Variants in TAFA2 observed in about 807,000 individuals in gnomAD.
TAFA2 encodes chemokine-like protein TAFA-2.
In TAFA2, 7 loss-of-function variants were observed where a neutral mutation model predicts 18.8. The observed-to-expected ratio is 0.37, with a 90% CI of 0.21 to 0.70. The LOEUF is 0.70. Ranked by LOEUF, TAFA2 falls within the 30% of genes least tolerant of loss-of-function variation. The pLI is 0.53. For synonymous variants in TAFA2, 60 were observed against 54.2 expected, an observed-to-expected ratio of 1.11 and a Z score of -0.47; for missense variants, 122 against 158.1, an observed-to-expected ratio of 0.77 and a Z score of 1.23.
At chr12:61,909,005 G>A (rs571882121) in intron 1 of TAFA2, among the ~76,000 whole-genome samples, 4 of 152,252 alleles carry the variant, frequency 2.6e-5, no homozygotes, top group East Asian at 1.9e-4. Flanking sequence ...CAAGTTTTGC[G>A]TGAAGGAGCC....
intron 1 of TAFA2, among the ~76,000 whole-genome samples, chr12:61,908,864 A>G (rs989593884): frequency 6.6e-6 from 1 of 152,194 alleles, no homozygotes; most frequent in African/African-American, 2.4e-5. Flanking sequence ...ATTTAACTGT[A>G]TGATCAGAAT....
intron 1 of TAFA2, among the ~76,000 whole-genome samples, chr12:62,129,103 C>A (rs1870580566): frequency 6.6e-6 from 1 of 151,858 alleles, no homozygotes; most frequent in Admixed American, 6.6e-5. Context: ...GGTTTTCTAC[C>A]CAGAAGCAGG....
intron 2 of TAFA2, among the ~76,000 whole-genome samples, chr12:61,794,108 G>A (rs1461227049): frequency 6.6e-6 from 1 of 151,900 alleles, no homozygotes; most frequent in African/African-American, 2.4e-5. Flanking sequence ...ATAATCCTGA[G>A]AGACTGAACA....
intron 2 of TAFA2, among the ~76,000 whole-genome samples, chr12:61,782,419 A>G (rs1870545250): frequency 6.6e-6 from 1 of 151,762 alleles, no homozygotes; most frequent in Non-Finnish European, 1.5e-5. Context: ...ACCAATTCCA[A>G]TCAGAAAATC....
upstream of TAFA2, among the ~76,000 whole-genome samples, chr12:62,193,573 A>C (rs1038881436): frequency 5.9e-5 from 9 of 152,250 alleles, no homozygotes; most frequent in African/African-American, 2.2e-4. Flanking sequence ...TTAGTAAATC[A>C]ACCATATTTT....
intron 2 of TAFA2, among the ~76,000 whole-genome samples, chr12:61,759,230 C>T (rs1179918259): frequency 1.3e-5 from 2 of 152,082 alleles, no homozygotes; most frequent in East Asian, 1.9e-4. Flanking sequence ...GTGGCATTCA[C>T]TAGTCCTGTT....
At chr12:61,780,065 G>C (rs1225927464) in intron 2 of TAFA2, among the ~76,000 whole-genome samples, 2 of 151,760 alleles carry the variant, frequency 1.3e-5, no homozygotes, top group Non-Finnish European at 2.9e-5. Context: ...AAAATCATTA[G>C]ATGCAAATGA....
At chr12:62,259,641 A>T (rs940618163), upstream of TAFA2, 5 of 152,224 alleles carry the variant, frequency 3.3e-5, no homozygotes, top group African/African-American at 1.2e-4. Context: ...TCCTGTATAA[A>T]CAAGAGGGTT....
At chr12:62,092,404 C>T (rs1868754792) in intron 1 of TAFA2, among the ~76,000 whole-genome samples, 1 of 151,954 alleles carries the variant, frequency 6.6e-6, no homozygotes, top group South Asian at 2.1e-4. Flanking sequence ...TTCATTCTCT[C>T]TAATCAGGGC....
At chr12:61,714,317 C>T (rs992413386) in intron 4 of TAFA2, among the ~76,000 whole-genome samples, 1 of 152,142 alleles carries the variant, frequency 6.6e-6, no homozygotes, top group Non-Finnish European at 1.5e-5. Context: ...GTGTGCTGCA[C>T]ACCAGCCAGT....
chr12:62,185,623 C>T (rs2136955943), intron 1 of TAFA2, among the ~76,000 whole-genome samples: 1 of 152,272 alleles, frequency 6.6e-6, no homozygotes. Flanking sequence ...AACCAGGTTT[C>T]CTACTTTAAA....
At chr12:61,834,423 A>G (rs1308601351) in intron 2 of TAFA2, among the ~76,000 whole-genome samples, 1 of 152,050 alleles carries the variant, frequency 6.6e-6, no homozygotes, top group African/African-American at 2.4e-5. Context: ...CTGATTCACA[A>G]TATTGAACTT....
chr12:61,972,292 T>C (rs1245087300), intron 1 of TAFA2, among the ~76,000 whole-genome samples: 1 of 94,354 alleles, frequency 1.1e-5, no homozygotes, highest in African/African-American at 4.0e-5. Context: ...AAAATAAATA[T>C]AAAGTTGAAC....
rs147804686 is a variant in TAFA2 at position 61,886,539 on chromosome 12, G to A, written c.-1-19113C>T. On this transcript the variant is annotated intron_variant, in intron 1 of 4. Transcript: ENST00000416284. ...CTTTTGCCTTATCCCTAAATGTCAC[G>A]CTTTGCCTACCAGAATGGATCCTGA... Among the ~76,000 whole-genome samples the A allele has an allele frequency of 1.5e-3, 231 of 152,132 alleles. 2 individuals carry two copies. Among genetic ancestry groups the A allele is most frequent in the Admixed American group, 0.013 (205 of 15,288 alleles).
intron 1 of TAFA2, among the ~76,000 whole-genome samples, chr12:62,088,902 CTCTA>C (rs1468977845): frequency 1.5e-5 from 2 of 129,254 alleles, no homozygotes; most frequent in African/African-American, 2.6e-5. Context: ...CTCTCTCTCT[CTCTA>C]TCTCTGTGTG....
chr12:62,071,314 C>T (rs150262355), intron 1 of TAFA2, among the ~76,000 whole-genome samples: 4 of 152,168 alleles, frequency 2.6e-5, no homozygotes, highest in East Asian at 1.9e-4. Context: ...GCACAGGAAG[C>T]GGGGGTGAGA....
intron 2 of TAFA2, among the ~76,000 whole-genome samples, chr12:61,863,387 G>A (rs1460365154): frequency 6.6e-6 from 1 of 152,176 alleles, no homozygotes. Context: ...AACTACCAAT[G>A]TATAAGTACA....
intron 2 of TAFA2, among the ~76,000 whole-genome samples, chr12:61,763,384 G>A (rs1313460780): frequency 2.0e-5 from 3 of 151,938 alleles, no homozygotes; most frequent in Non-Finnish European, 2.9e-5. Context: ...ATGTCCCCCA[G>A]TCTCTTTTAA....
At chr12:61,885,864 C>T (rs2124538) in intron 1 of TAFA2, among the ~76,000 whole-genome samples, 138,312 of 152,246 alleles carry the variant, frequency 0.91, 62,993 homozygotes, top group African/African-American at 0.98. Flanking sequence ...AATACTATGA[C>T]AGATCCTCCA....
Sources: allele counts gnomAD v4.1 joint callset (sites outside exome capture counted in the v4.1 genomes callset), GRCh38; gene constraint gnomAD v4.1.1; transcripts MANE v1.5; gene names NCBI Gene and HGNC (gene_info 2026-07-23, HGNC 2026-07-21).